The following FHIT variants were observed in gnomAD, a reference collection of about 807,000 sequenced individuals.
The protein encoded by FHIT is fragile histidine triad diadenosine triphosphatase, also known as bis(5'-adenosyl)-triphosphatase.
Under a neutral mutation model 17.9 loss-of-function variants are expected in FHIT, and 19 were observed. The ratio of observed to expected loss-of-function variants is 1.06; its 90% confidence interval spans 0.74 to 1.56. FHIT has a LOEUF of 1.56. FHIT is among the 40% of genes most tolerant of loss of function. The probability of loss-of-function intolerance (pLI) is 0.00; values close to 1 mark genes in which losing one functional copy is unlikely to be tolerated. For synonymous variants in FHIT, 81 were observed against 69.7 expected, an observed-to-expected ratio of 1.16 and a Z score of -0.81; for missense variants, 248 against 189.2, an observed-to-expected ratio of 1.31 and a Z score of -1.82.
intron 3 of FHIT, among the ~76,000 whole-genome samples, chr3:60,840,268 T>C (rs977044210): frequency 5.3e-5 from 8 of 152,178 alleles, no homozygotes; most frequent in African/African-American, 1.9e-4. Flanking sequence ...GGCATTCCTT[T>C]GCTAATAAAG....
intron 3 of FHIT, among the ~76,000 whole-genome samples, chr3:61,038,751 A>G (rs1013099482): frequency 3.3e-5 from 5 of 152,194 alleles, no homozygotes; most frequent in African/African-American, 1.2e-4. Flanking sequence ...AAAAGACAAT[A>G]TGAAGAAAAT....
chr3:60,087,156 T>C (rs1468462238), intron 5 of FHIT, among the ~76,000 whole-genome samples: 3 of 152,222 alleles, frequency 2.0e-5, no homozygotes, highest in African/African-American at 7.2e-5. Context: ...ATTTGAGCCA[T>C]GGCTGGAGCC....
At chr3:60,550,426 AG>A (rs1249665344) in intron 4 of FHIT, among the ~76,000 whole-genome samples, 41 of 152,210 alleles carry the variant, frequency 2.7e-4, no homozygotes, top group Admixed American at 1.3e-3. Flanking sequence ...TTTTATACAA[AG>A]AGAATTTTTT....
At chr3:60,792,084 G>C (rs2108121849) in intron 4 of FHIT, among the ~76,000 whole-genome samples, 2 of 152,284 alleles carry the variant, frequency 1.3e-5, no homozygotes, top group South Asian at 2.1e-4. Context: ...CCTCTTTCAG[G>C]GGCTGTTGGG....
chr3:60,569,769 T>TTTTTTTTA (rs1232418692), intron 4 of FHIT, among the ~76,000 whole-genome samples: 1 of 83,964 alleles, frequency 1.2e-5, no homozygotes. Flanking sequence ...TTTTTTTTTT[T>TTTTTTTTA]AGACAGAGTT....
chr3:61,183,713 T>A lies in FHIT; in HGVS notation c.-164+16904A>T, dbSNP rs927792366. On this transcript the variant is annotated intron_variant, in intron 2 of 9. Coordinates refer to ENST00000492590, the MANE Select transcript of FHIT (RefSeq NM_002012.4). ...AAGCCAGCTACATTTTTGGACCAGA[T>A]CACAATGCCATGATAAATATCAATG... 9.2e-5 allele frequency among the ~76,000 whole-genome samples: 14 copies of A among 152,182 alleles called. 1 individual carries two copies. The highest frequency in any genetic ancestry group is 4.1e-4 in the South Asian group (2 of 4,820).
chr3:60,943,230 G>T (rs1161092398), intron 3 of FHIT, among the ~76,000 whole-genome samples: 1 of 151,972 alleles, frequency 6.6e-6, no homozygotes, highest in African/African-American at 2.4e-5. Context: ...ATGATTATAT[G>T]GGTTTTCAAT....
chr3:60,895,665 CCTTTCTTTCTTT>C (rs141279352), intron 3 of FHIT, among the ~76,000 whole-genome samples: 12,444 of 106,570 alleles, frequency 0.12, 822 homozygotes, highest in Non-Finnish European at 0.13. Flanking sequence ...TTCCTTCCTT[CCTTTCTTTCTTT>C]CTTTCTTTCT....
chr3:60,740,429 G>A (rs2042218909), intron 4 of FHIT, among the ~76,000 whole-genome samples: 1 of 152,170 alleles, frequency 6.6e-6, no homozygotes, highest in Non-Finnish European at 1.5e-5. Context: ...CTTATGTAAA[G>A]TGCTGAACAC....
chr3:61,206,609 A>G (rs769899522), intron 1 of FHIT, among the ~76,000 whole-genome samples: 8 of 151,678 alleles, frequency 5.3e-5, no homozygotes, highest in East Asian at 1.9e-4. Flanking sequence ...TCATGATTTC[A>G]CTCTCTGTTT....
chr3:59,842,967 G>A (rs1399586353), intron 8 of FHIT, among the ~76,000 whole-genome samples: 2 of 151,936 alleles, frequency 1.3e-5, no homozygotes, highest in South Asian at 2.1e-4. Context: ...TGTCATATCC[G>A]ATAAATAATT....
At chr3:61,180,013 G>T (rs1374194687) in intron 2 of FHIT, among the ~76,000 whole-genome samples, 1 of 152,144 alleles carries the variant, frequency 6.6e-6, no homozygotes, top group Non-Finnish European at 1.5e-5. Flanking sequence ...CTTTCAGTTT[G>T]CTAACTAGAC....
At chr3:60,917,405 C>T (rs1707061040) in intron 3 of FHIT, among the ~76,000 whole-genome samples, 1 of 152,244 alleles carries the variant, frequency 6.6e-6, no homozygotes, top group Admixed American at 6.5e-5. Context: ...TACACAGCAG[C>T]TGAAATGATT....
intron 3 of FHIT, among the ~76,000 whole-genome samples, chr3:60,989,316 A>C (rs1223228339): frequency 1.3e-5 from 2 of 151,868 alleles, no homozygotes; most frequent in Admixed American, 6.6e-5. Context: ...CACTTGGCTA[A>C]ATTTTTTTTC....
At chr3:59,935,321 G>GA (rs1470344659) in intron 7 of FHIT, among the ~76,000 whole-genome samples, 1 of 152,118 alleles carries the variant, frequency 6.6e-6, no homozygotes, top group South Asian at 2.1e-4. Flanking sequence ...GTGCTTGGTA[G>GA]AAAAAATTAT....
chr3:60,996,558 T>C (rs2030688863), intron 3 of FHIT, among the ~76,000 whole-genome samples: 1 of 152,214 alleles, frequency 6.6e-6, no homozygotes, highest in Non-Finnish European at 1.5e-5. Flanking sequence ...CAAGCTTTGG[T>C]CATGAAAAAT....
chr3:60,049,734 A>G (rs778363579), intron 5 of FHIT, among the ~76,000 whole-genome samples: 51 of 152,318 alleles, frequency 3.3e-4, no homozygotes, highest in Non-Finnish European at 6.5e-4. Flanking sequence ...TTGTGTGGCT[A>G]CTAAAAATCT....
At chr3:60,356,634 G>C (rs1158893406) in intron 5 of FHIT, among the ~76,000 whole-genome samples, 1 of 151,428 alleles carries the variant, frequency 6.6e-6, no homozygotes, top group Non-Finnish European at 1.5e-5. Flanking sequence ...AGGCTTTCGG[G>C]AGAAGCTACC....
At chr3:60,580,226 A>T (rs2037708731) in intron 4 of FHIT, among the ~76,000 whole-genome samples, 1 of 152,148 alleles carries the variant, frequency 6.6e-6, no homozygotes, top group African/African-American at 2.4e-5. Context: ...ATTCAAAATT[A>T]GTTTTTGTGG....
Sources: gnomAD v4.1 joint callset for allele counts (sites outside exome capture counted in the v4.1 genomes callset) on GRCh38, gnomAD v4.1.1 for gene constraint, MANE v1.5 for transcripts, NCBI Gene and HGNC (gene_info 2026-07-23, HGNC 2026-07-21) for gene names.